Variants in CRACDL observed in about 807,000 individuals in gnomAD.
The protein encoded by CRACDL is CRACD-like protein.
Under a neutral mutation model 70.6 loss-of-function variants are expected in CRACDL, and 26 were observed. That is an observed-to-expected ratio of 0.37 (90% CI 0.27 to 0.51). The LOEUF (loss-of-function observed/expected upper bound fraction) is 0.51. CRACDL is among the 20% of genes least tolerant of loss of function. CRACDL has a pLI of 0.94. For missense variants in CRACDL, 1,283 were observed against 1,376.9 expected, an observed-to-expected ratio of 0.93 and a Z score of 1.08; for synonymous variants, 618 against 615.2, an observed-to-expected ratio of 1.00 and a Z score of -0.07.
At chr2:98,798,682 T>G (rs1014796922) in intron 7 of CRACDL, among the ~76,000 whole-genome samples, 1 of 151,208 alleles carries the variant, frequency 6.6e-6, no homozygotes, top group Non-Finnish European at 1.5e-5. Flanking sequence ...AAGTGGCTTT[T>G]CTTTTCTTTT....
intron 1 of CRACDL, among the ~76,000 whole-genome samples, chr2:98,866,414 A>C (rs991721992): frequency 6.6e-6 from 1 of 151,346 alleles, no homozygotes; most frequent in Non-Finnish European, 1.5e-5. Flanking sequence ...GAATGAATGA[A>C]TGAGCAAATG....
In CRACDL at chr2:98,918,417, C is replaced by T. The variant is rs923299883; in HGVS notation, c.-11+17521G>A. Among the ~76,000 whole-genome samples, 7 of 151,850 alleles carry T rather than the reference C, an allele frequency of 4.6e-5. No homozygotes were observed. The East Asian group carries it at 5.8e-4, about 13-fold the overall frequency. ...ACATGGTGGTACATGTCTGTAATCC[C>T]GGCTTCTTGGGAGGCTGAGGCCCAG... On this transcript the variant is annotated intron_variant, in intron 1 of 9. Coordinates refer to ENST00000397899, the MANE Select transcript of CRACDL (RefSeq NM_207362.3).
chr2:98,905,078 G>C (rs1040197655), intron 1 of CRACDL, among the ~76,000 whole-genome samples: 1 of 151,814 alleles, frequency 6.6e-6, no homozygotes, highest in Non-Finnish European at 1.5e-5. Flanking sequence ...GTGAAACCCC[G>C]TCTCTACTAA....
intron 7 of CRACDL, among the ~76,000 whole-genome samples, chr2:98,806,220 G>A (rs59083513): frequency 0.082 from 12,540 of 152,270 alleles, 654 homozygotes; most frequent in African/African-American, 0.14. Context: ...TTGTTGTCAG[G>A]GCCCCAACTA....
intron 1 of CRACDL, among the ~76,000 whole-genome samples, chr2:98,934,615 G>A (rs1709164447): frequency 6.6e-6 from 1 of 152,148 alleles, no homozygotes; most frequent in South Asian, 2.1e-4. Context: ...CAGCATCCAT[G>A]GATGGTACAC....
rs1169618646 is a variant in CRACDL, at chr2:98,822,496, G to C, written c.1777C>G (p.Arg593Gly). ...GCGAGGGGCAGGCGGCCGCTGGCCC[G>C]TTCCAGCGGGCGGGAGACGCCCGGA... ...PRPGVSRPLERASGRLPLARS... is the reference protein window; with the variant it reads ...PRPGVSRPLEGASGRLPLARS... The change falls in exon 7 of 10, where the codon CGG (arginine) becomes GGG (glycine). Residue 593 changes from arginine to glycine, a missense_variant. Coordinates refer to ENST00000397899, the MANE Select transcript of CRACDL (RefSeq NM_207362.3). The surrounding 1 kb of genome is among the most constrained non-coding windows in gnomAD (Gnocchi z 4.9). The C allele has an allele frequency of 6.9e-7, 1 of 1,459,276 alleles. No individual in the cohort carries two copies. The highest frequency in any genetic ancestry group is 2.7e-5 in the Admixed American group (1 of 37,620). The allele number at this position is 1,459,276 out of a possible 1,614,324, so 90.4% of individuals were successfully genotyped here.
At chr2:98,816,438 T>C (rs1704786802) in intron 7 of CRACDL, among the ~76,000 whole-genome samples, 1 of 152,146 alleles carries the variant, frequency 6.6e-6, no homozygotes, top group Non-Finnish European at 1.5e-5. Flanking sequence ...AATGCTGAGG[T>C]TTCTGGCTTG....
intron 1 of CRACDL, among the ~76,000 whole-genome samples, chr2:98,853,690 T>C (rs1396357724): frequency 1.3e-5 from 2 of 152,200 alleles, no homozygotes; most frequent in African/African-American, 4.8e-5. Context: ...AAAACTATTA[T>C]GAATTTACAA....
chr2:98,803,952 A>C (rs1255691172), intron 7 of CRACDL, among the ~76,000 whole-genome samples: 1 of 152,140 alleles, frequency 6.6e-6, no homozygotes, highest in East Asian at 1.9e-4. Flanking sequence ...ACATGGGGCC[A>C]CACCACTGCG....
At chr2:98,809,059 T>C (rs1458672439) in intron 7 of CRACDL, among the ~76,000 whole-genome samples, 1 of 152,194 alleles carries the variant, frequency 6.6e-6, no homozygotes, top group Non-Finnish European at 1.5e-5. Context: ...CCTTCTCAGG[T>C]CCCAGCAGTC....
At chr2:98,921,608 C>T (rs975443172) in intron 1 of CRACDL, among the ~76,000 whole-genome samples, 1 of 152,246 alleles carries the variant, frequency 6.6e-6, no homozygotes, top group Non-Finnish European at 1.5e-5. Flanking sequence ...TCCATCCTTT[C>T]CTAGCTTAGC....
intron 1 of CRACDL, among the ~76,000 whole-genome samples, chr2:98,905,827 G>C (rs1041736002): frequency 2.0e-5 from 3 of 152,170 alleles, no homozygotes; most frequent in Admixed American, 2.0e-4. Flanking sequence ...ATGTTGGCCA[G>C]GCTGGTCTCG....
rs567976220 is a variant in CRACDL, at chr2:98,900,923, C to T, written c.-11+35015G>A. Reference sequence around the variant, plus strand: ...CTCACCAGTGAAGGAGAAGGTCACCCGGCTCCACCTTCTATAATGGTGCCA... The same window carrying T: ...CTCACCAGTGAAGGAGAAGGTCACCTGGCTCCACCTTCTATAATGGTGCCA... On this transcript the variant is annotated intron_variant, in intron 1 of 9. Coordinates refer to ENST00000397899, the MANE Select transcript of CRACDL (RefSeq NM_207362.3). 6.6e-5 allele frequency among the ~76,000 whole-genome samples: 10 copies of T among 152,264 alleles called. No individual in the cohort carries two copies. In the South Asian group the frequency reaches 8.3e-4, roughly 13 times the overall value.
At chr2:98,878,906 A>G (rs1420309928) in intron 1 of CRACDL, among the ~76,000 whole-genome samples, 1 of 152,192 alleles carries the variant, frequency 6.6e-6, no homozygotes, top group Non-Finnish European at 1.5e-5. Context: ...TTGAAGATAT[A>G]TTTTCAAAAT....
rs1199950219 is a variant in CRACDL at position 98,824,272 on chromosome 2, T to G, written c.736-735A>C. Among the ~76,000 whole-genome samples the G allele has an allele frequency of 5.3e-5, 8 of 150,156 alleles. No homozygotes were observed. The East Asian group carries it at 1.6e-3, about 30-fold the overall frequency. On this transcript the variant is annotated intron_variant, in intron 6 of 9. Coordinates refer to ENST00000397899, the MANE Select transcript of CRACDL (RefSeq NM_207362.3). ...ACACTTGGTCTGAGTGACTGTCACC[T>G]CCCCACTCTCCCCCACCCCCCTGCC... is the stretch of plus-strand genomic sequence containing the variant.
At chr2:98,893,293 T>TA (rs1491317572) in intron 1 of CRACDL, among the ~76,000 whole-genome samples, 1 of 40,038 alleles carries the variant, frequency 2.5e-5, no homozygotes, top group Non-Finnish European at 4.4e-5. Context: ...AGGAACCCTA[T>TA]TTTTTTTTTT....
At chr2:98,851,235 G>T (rs1165188250) in intron 1 of CRACDL, among the ~76,000 whole-genome samples, 1 of 152,144 alleles carries the variant, frequency 6.6e-6, no homozygotes, top group Non-Finnish European at 1.5e-5. Context: ...GGGTTTTGAG[G>T]GGTGAGTGCT....
chr2:98,794,480 A>T lies in CRACDL; in HGVS notation c.*52T>A. The T allele has an allele frequency of 6.5e-7, 1 of 1,545,802 alleles. No homozygotes were observed. Among genetic ancestry groups the T allele is most frequent in the Non-Finnish European group, 8.9e-7 (1 of 1,124,168 alleles). ...TTGCCACAATACACTGGCAGTTTTT[A>T]ACTAAGTGGCTTGTCAGGGTAGTGG... is the stretch of plus-strand genomic sequence containing the variant. On this transcript the variant is annotated 3_prime_UTR_variant, in exon 10 of 10. Coordinates refer to ENST00000397899, the MANE Select transcript of CRACDL (RefSeq NM_207362.3).
chr2:98,911,933 G>A (rs72957671), intron 1 of CRACDL, among the ~76,000 whole-genome samples: 4 of 152,280 alleles, frequency 2.6e-5, no homozygotes, highest in African/African-American at 9.6e-5. Context: ...CTAGAGATGT[G>A]TTTTTCTAGA....
Sources: allele counts gnomAD v4.1 joint callset (sites outside exome capture counted in the v4.1 genomes callset), GRCh38; gene constraint gnomAD v4.1.1; non-coding constraint Gnocchi (gnomAD v3.1); transcripts MANE v1.5; gene names NCBI Gene and HGNC (gene_info 2026-07-23, HGNC 2026-07-21).